WWP2: variants seen among roughly 807,000 people sequenced by gnomAD.
The protein encoded by WWP2 is WW domain containing E3 ubiquitin protein ligase 2.
Under a neutral mutation model 121.0 loss-of-function variants are expected in WWP2, and 57 were observed. That is an observed-to-expected ratio of 0.47 (90% CI 0.38 to 0.59). The LOEUF (loss-of-function observed/expected upper bound fraction) is 0.59. WWP2 is among the 20% of genes least tolerant of loss of function. The probability of loss-of-function intolerance (pLI) is 0.00; values close to 1 mark genes in which losing one functional copy is unlikely to be tolerated. For missense variants in WWP2, 962 were observed against 1,158.9 expected, an observed-to-expected ratio of 0.83 and a Z score of 2.47; for synonymous variants, 449 against 441.3, an observed-to-expected ratio of 1.02 and a Z score of -0.22.
chr16:69,810,169 G>GAC (rs1400933417), intron 4 of WWP2, among the ~76,000 whole-genome samples: 6 of 152,350 alleles, frequency 3.9e-5, no homozygotes, highest in African/African-American at 1.2e-4. Context: ...TCCCTGGGTG[G>GAC]ACTTGGACAT....
At chr16:69,865,450 A>G (rs2057503996) in intron 6 of WWP2, among the ~76,000 whole-genome samples, 2 of 152,220 alleles carry the variant, frequency 1.3e-5, no homozygotes, top group Non-Finnish European at 2.9e-5. Context: ...TATCAGACAT[A>G]TATTGTCAAC....
chr16:69,861,041 T>C (rs1259150130), intron 6 of WWP2, among the ~76,000 whole-genome samples: 1 of 152,204 alleles, frequency 6.6e-6, no homozygotes, highest in Admixed American at 6.5e-5. Context: ...TCTGCATTCC[T>C]TGGGGGCCAG....
At chr16:69,855,929 T>C (rs2057302492) in intron 6 of WWP2, among the ~76,000 whole-genome samples, 1 of 152,202 alleles carries the variant, frequency 6.6e-6, no homozygotes, top group South Asian at 2.1e-4. Context: ...ATAGAACGTT[T>C]TGGCCTTATC....
At chr16:69,827,123 A>G (rs1367163005) in intron 4 of WWP2, among the ~76,000 whole-genome samples, 2 of 149,730 alleles carry the variant, frequency 1.3e-5, no homozygotes, top group East Asian at 4.0e-4. Context: ...TCCTGCATAC[A>G]TGTCTAATGT....
At chr16:69,931,995 C>G in intron 16 of WWP2, 105 bp downstream of exon 16, 1 of 1,119,092 alleles carries the variant, frequency 8.9e-7, no homozygotes, top group South Asian at 1.4e-5. Context: ...CCTCCCAAAG[C>G]TCTCATGCAT....
chr16:69,801,257 T>C (rs1271606321), intron 4 of WWP2, among the ~76,000 whole-genome samples: 3 of 151,120 alleles, frequency 2.0e-5, no homozygotes, highest in African/African-American at 7.3e-5. Context: ...TTGAGACAGG[T>C]TTCTCACTTT....
chr16:69,936,267 C>G (rs1314431298), intron 18 of WWP2, 45 bp from the exon 19 acceptor site: 4 of 1,612,706 alleles, frequency 2.5e-6, no homozygotes, highest in Non-Finnish European at 3.4e-6. Flanking sequence ...CAGGAAAGAC[C>G]CTGACACGGT....
chr16:69,799,260 A>T lies in WWP2; in HGVS notation c.305A>T (p.Asn102Ile). Residue 102 changes from asparagine to isoleucine, a missense_variant, in exon 4 of 24, where the codon AAC (asparagine) becomes ATC (isoleucine). Asn to Ile is a moderately radical substitution (Grantham distance 149). Coordinates refer to ENST00000359154, the MANE Select transcript of WWP2 (RefSeq NM_001270454.2). The surrounding 1 kb of genome is among the most constrained non-coding windows in gnomAD (Gnocchi z 4.5). ...GAACTGCTAGGCACCGCATCTGTCA[A>T]CCTCTCCAACGTCTTGAAGAACAAT... ...RNELLGTASV[N>I]LSNVLKNNGG... 1 of 1,614,074 alleles carries T rather than the reference A, an allele frequency of 6.2e-7. No individual in the cohort carries two copies. Among genetic ancestry groups the T allele is most frequent in the East Asian group, 2.2e-5 (1 of 44,868 alleles).
Position 69,925,371 on chromosome 16 carries a change from G to T in WWP2, c.1180-59G>T, listed in dbSNP as rs1204006679. 1.9e-6 allele frequency: 3 copies of T among 1,589,410 alleles called. No homozygotes were observed. Among genetic ancestry groups the T allele is most frequent in the Non-Finnish European group, 1.7e-6 (2 of 1,167,086 alleles). Reference sequence around the variant, plus strand: ...CATTTTTATTTTTTATTGATTGATTGATTTTTTCACCAGTGGCTTTTTGTA... The same window carrying T: ...CATTTTTATTTTTTATTGATTGATTTATTTTTTCACCAGTGGCTTTTTGTA... On this transcript the variant is annotated intron_variant, in intron 10 of 23. Coordinates refer to ENST00000359154, the MANE Select transcript of WWP2 (RefSeq NM_001270454.2). The surrounding 1 kb of genome is among the most constrained non-coding windows in gnomAD (Gnocchi z 4.0).
rs549759901 is a variant in WWP2 at position 69,837,573 on chromosome 16, G to A, written c.341-2553G>A. Among the ~76,000 whole-genome samples, 8 of 152,198 alleles carry A rather than the reference G, an allele frequency of 5.3e-5. No individual in the cohort carries two copies. The East Asian group carries it at 1.4e-3, about 26-fold the overall frequency. ...AGGCCCATGGCAGTGTGACTGTCAC[G>A]GGGGTAGAAATTAGCAACAAGAGGC... is the stretch of plus-strand genomic sequence containing the variant. On this transcript the variant is annotated intron_variant, in intron 4 of 23. Coordinates refer to ENST00000359154, the MANE Select transcript of WWP2 (RefSeq NM_001270454.2).
At chr16:69,846,344 G>A (rs1396199714) in intron 6 of WWP2, among the ~76,000 whole-genome samples, 5 of 152,162 alleles carry the variant, frequency 3.3e-5, no homozygotes, top group Admixed American at 1.3e-4. Context: ...TACCATAGTA[G>A]GATGTCATAC....
At chr16:69,798,444 A>T (rs1293596928) in intron 2 of WWP2, among the ~76,000 whole-genome samples, 1 of 151,830 alleles carries the variant, frequency 6.6e-6, no homozygotes, top group Non-Finnish European at 1.5e-5. Context: ...GGTGATGATG[A>T]TCACTGGCAG....
At chr16:69,810,387 G>A (rs1003471772) in intron 4 of WWP2, among the ~76,000 whole-genome samples, 1 of 152,006 alleles carries the variant, frequency 6.6e-6, no homozygotes, top group African/African-American at 2.4e-5. Context: ...TCTCTGGGTA[G>A]AACCCAGCTT....
intron 4 of WWP2, among the ~76,000 whole-genome samples, chr16:69,817,698 T>C (rs2056521498): frequency 7.2e-6 from 1 of 138,052 alleles, no homozygotes. Context: ...AGAGATGGAG[T>C]CTCGCTCCGT....
chr16:69,867,834 C>A (rs2057556809), intron 6 of WWP2, among the ~76,000 whole-genome samples: 1 of 152,164 alleles, frequency 6.6e-6, no homozygotes, highest in Non-Finnish European at 1.5e-5. Flanking sequence ...ATAACTCGTC[C>A]CCTCCCCCTA....
At chr16:69,918,624 C>A (rs116019867) in intron 10 of WWP2, among the ~76,000 whole-genome samples, 1 of 152,350 alleles carries the variant, frequency 6.6e-6, no homozygotes, top group African/African-American at 2.4e-5. Context: ...GAGCCTCCTT[C>A]TTTCTGATGC....
chr16:69,808,128 G>T (rs947904867), intron 4 of WWP2, among the ~76,000 whole-genome samples: 2 of 152,066 alleles, frequency 1.3e-5, no homozygotes, highest in Non-Finnish European at 2.9e-5. Flanking sequence ...CCACTATTCT[G>T]ACTTCTATCA....
intron 6 of WWP2, among the ~76,000 whole-genome samples, chr16:69,844,322 G>A (rs924121905): frequency 1.3e-5 from 2 of 152,156 alleles, no homozygotes; most frequent in Non-Finnish European, 2.9e-5. Flanking sequence ...AGCGGTGGGC[G>A]AGGAATACTT....
rs764086074 is a variant in WWP2, at chr16:69,917,690, C to T, written c.1005-19C>T. 2 of 1,595,570 alleles carry T rather than the reference C, an allele frequency of 1.3e-6. No homozygotes were observed. The highest frequency in any genetic ancestry group is 2.2e-5 in the South Asian group (2 of 90,708). On this transcript the variant is annotated intron_variant, in intron 9 of 23. Coordinates refer to ENST00000359154, the MANE Select transcript of WWP2 (RefSeq NM_001270454.2). ...GAGTGGGGTGGTCATTATATTCATT[C>T]TGAGGTTCCTATTTCCAGCTGGGAA...
Sources: allele counts gnomAD v4.1 joint callset (sites outside exome capture counted in the v4.1 genomes callset), GRCh38; gene constraint gnomAD v4.1.1; non-coding constraint Gnocchi (gnomAD v3.1); transcripts MANE v1.5; gene names NCBI Gene and HGNC (gene_info 2026-07-23, HGNC 2026-07-21).